Variants in S100Z observed in about 807,000 individuals in gnomAD.
S100Z encodes S100 calcium binding protein Z, also known as protein S100-Z.
Under a neutral mutation model 8.5 loss-of-function variants are expected in S100Z, and 11 were observed. The observed-to-expected ratio is 1.30, with a 90% CI of 0.82 to 2.15. The LOEUF (loss-of-function observed/expected upper bound fraction) is 2.15, where lower values mean the gene tolerates loss of function less well. Among genes scored for constraint, S100Z ranks in the 30% most tolerant of loss-of-function variants. The pLI, the probability that S100Z is intolerant of heterozygous loss-of-function variation, is 0.00. For missense variants in S100Z, 126 were observed against 117.9 expected, an observed-to-expected ratio of 1.07 and a Z score of -0.32; for synonymous variants, 34 against 43.8, an observed-to-expected ratio of 0.78 and a Z score of 0.89.
intron 4 of S100Z, among the ~76,000 whole-genome samples, chr5:76,915,433 C>T (rs894795479): frequency 2.0e-5 from 3 of 151,688 alleles, no homozygotes; most frequent in African/African-American, 7.3e-5. Context: ...GAAACCCCCT[C>T]TCCACTAAAA....
intron 2 of S100Z, among the ~76,000 whole-genome samples, chr5:76,874,197 CT>C (rs368434034): frequency 0.014 from 1,978 of 138,760 alleles, 15 homozygotes; most frequent in African/African-American, 0.03. Context: ...AGCACTTCCT[CT>C]TTTTTTTTTT....
At chr5:76,910,427 G>A (rs560142119) in intron 4 of S100Z, among the ~76,000 whole-genome samples, 16 of 152,230 alleles carry the variant, frequency 1.1e-4, no homozygotes, top group Admixed American at 5.9e-4. Context: ...GAGAAAGGCC[G>A]CAGCCTTAGT....
intron 1 of S100Z, among the ~76,000 whole-genome samples, chr5:76,857,645 T>A (rs1750923896): frequency 6.6e-6 from 1 of 152,038 alleles, no homozygotes; most frequent in Non-Finnish European, 1.5e-5. Context: ...ACTACCGGCA[T>A]GTGCCACTAT....
At chr5:76,941,649 G>A in the S100Z span, among the ~76,000 whole-genome samples, 1 of 152,174 alleles carries the variant, frequency 6.6e-6, no homozygotes, top group Admixed American at 6.5e-5. Context: ...TGTTGATATT[G>A]ACTGGGATTG....
chr5:76,873,674 T>C (rs1010034914), intron 2 of S100Z, among the ~76,000 whole-genome samples: 2 of 151,990 alleles, frequency 1.3e-5, no homozygotes, highest in Admixed American at 1.3e-4. Flanking sequence ...TGCAGTGGAG[T>C]AGCCAGGCAG....
At chr5:76,868,662 C>T (rs1742879870) in intron 1 of S100Z, among the ~76,000 whole-genome samples, 1 of 131,404 alleles carries the variant, frequency 7.6e-6, no homozygotes, top group Admixed American at 8.8e-5. Flanking sequence ...CTGGCTGCAA[C>T]ACCCAGGCTG....
At chr5:76,928,661 C>A in the S100Z span, among the ~76,000 whole-genome samples, 2 of 152,228 alleles carry the variant, frequency 1.3e-5, no homozygotes, top group Admixed American at 6.5e-5. Flanking sequence ...TTTTCATATC[C>A]AGATGGGACT....
At chr5:76,863,122 T>C (rs750986559) in intron 1 of S100Z, among the ~76,000 whole-genome samples, 1 of 152,212 alleles carries the variant, frequency 6.6e-6, no homozygotes, top group Non-Finnish European at 1.5e-5. Context: ...GACATCTGAC[T>C]TTCCTGGCAG....
intron 4 of S100Z, among the ~76,000 whole-genome samples, chr5:76,906,438 C>T (rs1024714989): frequency 2.6e-5 from 4 of 152,122 alleles, no homozygotes; most frequent in African/African-American, 7.2e-5. Flanking sequence ...TTTCTCTGGC[C>T]TCCTCACCTG....
chr5:76,891,547 C>T (rs973748487), intron 4 of S100Z, among the ~76,000 whole-genome samples: 1 of 152,110 alleles, frequency 6.6e-6, no homozygotes, highest in African/African-American at 2.4e-5. Context: ...TTCAGTAAGT[C>T]GGGGTGGAGC....
At chr5:76,946,850 A>T in the S100Z span, among the ~76,000 whole-genome samples, 1 of 152,126 alleles carries the variant, frequency 6.6e-6, no homozygotes, top group East Asian at 1.9e-4. Context: ...CATTGAATCG[A>T]GGTGGGCCTT....
intron 4 of S100Z, among the ~76,000 whole-genome samples, chr5:76,886,792 C>G (rs989020194): frequency 2.0e-5 from 3 of 152,140 alleles, no homozygotes; most frequent in African/African-American, 7.2e-5. Flanking sequence ...TCACGAAGTA[C>G]ATTCTCAAGG....
the S100Z span, among the ~76,000 whole-genome samples, chr5:76,945,485 T>C: frequency 1.1e-4 from 17 of 152,350 alleles, no homozygotes; most frequent in African/African-American, 3.1e-4. Flanking sequence ...GTATAAAACC[T>C]GATTGTACAT....
At chr5:76,891,747 A>C (rs1743866479) in intron 4 of S100Z, among the ~76,000 whole-genome samples, 1 of 152,132 alleles carries the variant, frequency 6.6e-6, no homozygotes, top group Non-Finnish European at 1.5e-5. Context: ...ACACAAGAAC[A>C]GTAGATAGAC....
chr5:76,903,742 T>C (rs1057047567), intron 4 of S100Z, among the ~76,000 whole-genome samples: 1 of 151,930 alleles, frequency 6.6e-6, no homozygotes, highest in Non-Finnish European at 1.5e-5. Flanking sequence ...TTTTTTTTTT[T>C]TGAGACAGAG....
chr5:76,863,752 A>T (rs1224065289), intron 1 of S100Z, among the ~76,000 whole-genome samples: 1 of 151,930 alleles, frequency 6.6e-6, no homozygotes, highest in Non-Finnish European at 1.5e-5. Context: ...GTTAGCCAGG[A>T]TGGTCTCGAT....
At chr5:76,892,540 A>G (rs1243697222) in intron 4 of S100Z, among the ~76,000 whole-genome samples, 2 of 150,642 alleles carry the variant, frequency 1.3e-5, no homozygotes, top group Non-Finnish European at 1.5e-5. Context: ...GGGGGCATGC[A>G]TAACAAAAAG....
At chr5:76,887,318 C>T (rs924164537) in intron 4 of S100Z, among the ~76,000 whole-genome samples, 2 of 149,124 alleles carry the variant, frequency 1.3e-5, no homozygotes, top group African/African-American at 4.9e-5. Context: ...AGAAAGGTCT[C>T]GATCTCCTGA....
intron 1 of S100Z, among the ~76,000 whole-genome samples, chr5:76,850,783 C>T (rs1385694731): frequency 6.6e-6 from 1 of 152,114 alleles, no homozygotes; most frequent in Admixed American, 6.5e-5. Context: ...TGAGAGGACA[C>T]AAAATTTGGG....
Sources: gnomAD v4.1 joint callset for allele counts (sites outside exome capture counted in the v4.1 genomes callset) on GRCh38, gnomAD v4.1.1 for gene constraint, MANE v1.5 for transcripts, NCBI Gene and HGNC (gene_info 2026-07-23, HGNC 2026-07-21) for gene names.